Variants in PCDHAC2 observed in about 807,000 individuals in gnomAD.
PCDHAC2 encodes protocadherin alpha-C2.
A neutral mutation model predicts 63.3 loss-of-function variants in PCDHAC2; 24 were observed. The ratio of observed to expected loss-of-function variants is 0.38; its 90% CI spans 0.27 to 0.53. The LOEUF is 0.53. Among genes scored for constraint, PCDHAC2 ranks in the 20% least tolerant of loss-of-function variants. PCDHAC2 has a pLI of 0.81. For synonymous variants in PCDHAC2, 569 were observed against 529.4 expected (o/e 1.07, Z -1.03); for missense variants, 1,181 against 1,275.2 (o/e 0.93, Z 1.12).
Position 141,011,146 on chromosome 5 carries a change from C to T in PCDHAC2, c.*1209C>T, listed in dbSNP as rs1180133019. On this transcript the variant is annotated 3_prime_UTR_variant, in exon 4 of 4. Transcript: ENST00000289269. ...TATGTGCACTTTGATACACAACCTT[C>T]TCTAACCAACTATATATCAAGACCC... The T allele has an allele frequency of 6.5e-6, 1 of 153,746 alleles. No individual in the cohort carries two copies. The highest frequency in any genetic ancestry group is 2.1e-4 in the South Asian group (1 of 4,824). The allele number at this position is 153,746 out of a possible 1,614,324, so 9.5% of individuals were successfully genotyped here.
In PCDHAC2 at chr5:141,009,991, T is replaced by G. The variant is rs929729966; in HGVS notation, c.*54T>G. Reference sequence around the variant, plus strand: ...CCAGTTTTTGTAATAATGGCAAATCTCTCCCATGTAGCAATTCCCTGCTCC... The same window carrying G: ...CCAGTTTTTGTAATAATGGCAAATCGCTCCCATGTAGCAATTCCCTGCTCC... On this transcript the variant is annotated 3_prime_UTR_variant, in exon 4 of 4. Coordinates refer to ENST00000289269, the MANE Select transcript of PCDHAC2 (RefSeq NM_018899.6). 13 of 1,578,088 alleles carry G rather than the reference T, an allele frequency of 8.2e-6. No individual in the cohort carries two copies. In the East Asian group the frequency reaches 2.5e-4, roughly 30 times the overall value.
chr5:141,009,132 G>GA (rs1172401436), intron 3 of PCDHAC2, among the ~76,000 whole-genome samples: 11 of 152,202 alleles, frequency 7.2e-5, no homozygotes, highest in African/African-American at 2.4e-4. Flanking sequence ...GTATCCTGGT[G>GA]AAAAAACCTG....
At chr5:140,976,250 A>C (rs1420287471) in intron 1 of PCDHAC2, among the ~76,000 whole-genome samples, 1 of 152,144 alleles carries the variant, frequency 6.6e-6, no homozygotes, top group Non-Finnish European at 1.5e-5. Flanking sequence ...ATGTAAATTT[A>C]TTTAAAACAC....
intron 3 of PCDHAC2, among the ~76,000 whole-genome samples, chr5:140,987,258 G>A (rs1292743876): frequency 6.6e-6 from 1 of 151,918 alleles, no homozygotes; most frequent in Non-Finnish European, 1.5e-5. Context: ...ACATTCTCAG[G>A]AATGGGACCC....
At chr5:140,986,085 TCA>T (rs1395722991) in intron 3 of PCDHAC2, among the ~76,000 whole-genome samples, 1 of 152,182 alleles carries the variant, frequency 6.6e-6, no homozygotes, top group Non-Finnish European at 1.5e-5. Context: ...TCATTTATTT[TCA>T]CAGTCTGCAA....
intron 3 of PCDHAC2, among the ~76,000 whole-genome samples, chr5:140,985,672 G>A (rs1195009915): frequency 6.6e-6 from 1 of 151,738 alleles, no homozygotes. Flanking sequence ...AGGAAGTGGG[G>A]CCTGCCTTAC....
intron 1 of PCDHAC2, among the ~76,000 whole-genome samples, chr5:140,973,232 G>A (rs1307717074): frequency 6.6e-6 from 1 of 152,196 alleles, no homozygotes; most frequent in Non-Finnish European, 1.5e-5. Context: ...ATAGTGACCT[G>A]AAAGAGTTAA....
intron 3 of PCDHAC2, among the ~76,000 whole-genome samples, chr5:140,994,257 G>A (rs1232863771): frequency 6.6e-6 from 1 of 152,122 alleles, no homozygotes; most frequent in East Asian, 1.9e-4. Context: ...AGGTAAATAA[G>A]GTAAGCTAGG....
chr5:140,987,858 T>C (rs1203158352), intron 3 of PCDHAC2, among the ~76,000 whole-genome samples: 1 of 152,142 alleles, frequency 6.6e-6, no homozygotes, highest in African/African-American at 2.4e-5. Context: ...CCACATCTCT[T>C]TACTCTGTGG....
rs1554230214 is a variant in PCDHAC2 at position 140,968,029 on chromosome 5, G to C, written c.1263G>C (p.Leu421=). 2.5e-6 allele frequency: 4 copies of C among 1,614,170 alleles called. No individual in the cohort carries two copies. Among genetic ancestry groups the C allele is most frequent in the South Asian group, 2.2e-5 (2 of 91,076 alleles). The change falls in exon 1 of 4, where the codon CTG becomes CTC. Residue 421 remains leucine, a synonymous_variant. Coordinates refer to ENST00000289269, the MANE Select transcript of PCDHAC2 (RefSeq NM_018899.6). ...RLNGFGNSYT[L]VVSGPLDRER... is the part of the protein sequence containing the mutation. Reference sequence around the variant, plus strand: ...ATGGCTTTGGAAACTCCTATACACTGGTGGTGAGCGGCCCACTGGACCGAG... The same window carrying C: ...ATGGCTTTGGAAACTCCTATACACTCGTGGTGAGCGGCCCACTGGACCGAG...
Position 140,983,978 on chromosome 5 carries a change from G to A in PCDHAC2, c.2713+1415G>A, listed in dbSNP as rs529150173. Among the ~76,000 whole-genome samples the A allele has an allele frequency of 5.3e-5, 8 of 152,266 alleles. No individual in the cohort carries two copies. The South Asian group carries it at 1.5e-3, about 28-fold the overall frequency. Reference sequence around the variant, plus strand: ...AGTCACATTTGTCCAAAAAATATACGAGTTGAAGCAATTCATTAGAGAGCT... The same window carrying A: ...AGTCACATTTGTCCAAAAAATATACAAGTTGAAGCAATTCATTAGAGAGCT... On this transcript the variant is annotated intron_variant, in intron 3 of 3. Transcript: ENST00000289269.
chr5:141,003,638 G>C (rs2098132492), intron 3 of PCDHAC2, among the ~76,000 whole-genome samples: 1 of 152,118 alleles, frequency 6.6e-6, no homozygotes, highest in Admixed American at 6.6e-5. Flanking sequence ...TAAAGTAGAA[G>C]TGAAGATCTG....
rs1332345482 is a variant in PCDHAC2 at position 140,967,346 on chromosome 5, G to C, written c.580G>C (p.Glu194Gln). Residue 194 changes from glutamate to glutamine, a missense_variant, in exon 1 of 4, where the codon GAG becomes CAG. By Grantham distance (29) the Glu-to-Gln change is conservative. This residue lies in a region of PCDHAC2 where 968 missense variants were observed against 1,073.5 expected (regional missense o/e 0.90). Transcript: ENST00000289269. ...CGAGCTCAGCCCCAGCGAGCACTTCGAGCTGGACCTTAAGCCCCTGCAGGA... is the reference window on the plus strand; with the variant it reads ...CGAGCTCAGCCCCAGCGAGCACTTCCAGCTGGACCTTAAGCCCCTGCAGGA... ...TYELSPSEHFELDLKPLQENS... is the reference protein window; with the variant it reads ...TYELSPSEHFQLDLKPLQENS... 1 of 1,607,970 alleles carries C rather than the reference G, an allele frequency of 6.2e-7. No individual in the cohort carries two copies. Among genetic ancestry groups the C allele is most frequent in the Non-Finnish European group, 8.5e-7 (1 of 1,175,830 alleles).
At chr5:140,990,507 T>C (rs1554251511) in intron 3 of PCDHAC2, among the ~76,000 whole-genome samples, 1 of 152,158 alleles carries the variant, frequency 6.6e-6, no homozygotes, top group East Asian at 1.9e-4. Context: ...CCCCAAGTCT[T>C]CTCTCTTGTC....
At chr5:140,985,228 C>T (rs1022229644) in intron 3 of PCDHAC2, among the ~76,000 whole-genome samples, 2 of 152,156 alleles carry the variant, frequency 1.3e-5, no homozygotes, top group Admixed American at 6.5e-5. Flanking sequence ...TGAGCCACCG[C>T]GCCTGGCCTA....
intron 3 of PCDHAC2, among the ~76,000 whole-genome samples, chr5:141,000,193 A>G (rs554462748): frequency 2.0e-5 from 3 of 151,958 alleles, no homozygotes; most frequent in Non-Finnish European, 4.4e-5. Flanking sequence ...ATGTGAGAAT[A>G]GTTTTTCACC....
At chr5:140,969,610 GA>G in intron 1 of PCDHAC2, 1 of 723,542 alleles carries the variant, frequency 1.4e-6, no homozygotes, top group East Asian at 2.8e-5. Context: ...CTAAAACACA[GA>G]TTTGTAGAGA....
At chr5:140,984,942 A>C (rs1263555467) in intron 3 of PCDHAC2, among the ~76,000 whole-genome samples, 1 of 151,954 alleles carries the variant, frequency 6.6e-6, no homozygotes, top group Admixed American at 6.6e-5. Context: ...ATAAATGTCT[A>C]ATCTTTTTTT....
intron 3 of PCDHAC2, among the ~76,000 whole-genome samples, chr5:140,995,476 A>G (rs2097685199): frequency 6.6e-6 from 1 of 152,210 alleles, no homozygotes; most frequent in Non-Finnish European, 1.5e-5. Flanking sequence ...TTTTTCATTT[A>G]ATATTTTCAG....
Sources: allele counts gnomAD v4.1 joint callset (sites outside exome capture counted in the v4.1 genomes callset), GRCh38; gene constraint gnomAD v4.1.1; regional missense constraint gnomAD v4.1.1; transcripts MANE v1.5; gene names NCBI Gene and HGNC (gene_info 2026-07-23, HGNC 2026-07-21).